Variants in SLC6A17 observed in about 807,000 individuals in gnomAD.
The protein encoded by SLC6A17 is solute carrier family 6 member 17.
Under a neutral mutation model 64.5 loss-of-function variants are expected in SLC6A17, and 21 were observed. That is an observed-to-expected ratio of 0.33 (90% CI 0.23 to 0.47). The LOEUF (loss-of-function observed/expected upper bound fraction) is 0.47. Among genes scored for constraint, SLC6A17 ranks in the 20% least tolerant of loss-of-function variants. The probability of loss-of-function intolerance (pLI) is 1.00; values close to 1 mark genes in which losing one functional copy is unlikely to be tolerated. For missense variants in SLC6A17, 682 were observed against 963.2 expected (o/e 0.71, Z 3.86); for synonymous variants, 372 against 399.5 (o/e 0.93, Z 0.82).
rs1570989318 is a variant in SLC6A17, at chr1:110,174,568, G to A, written c.572-211G>A. Among the ~76,000 whole-genome samples, 4 of 152,292 alleles carry A rather than the reference G, an allele frequency of 2.6e-5. No homozygotes were observed. In the South Asian group the frequency reaches 8.3e-4, roughly 32 times the overall value. ...GGCATGGGTGGGAATCAGCCAGGCT[G>A]GTGTGTCCTGAAGCCTCCCAGACCC... On this transcript the variant is annotated intron_variant, in intron 4 of 11. Coordinates refer to ENST00000331565, the MANE Select transcript of SLC6A17 (RefSeq NM_001010898.4).
At chr1:110,189,333 A>G (rs1429420356) in intron 6 of SLC6A17, among the ~76,000 whole-genome samples, 2 of 152,084 alleles carry the variant, frequency 1.3e-5, no homozygotes, top group Admixed American at 1.3e-4. Context: ...CCACCTGCTC[A>G]GGTATGCAGG....
chr1:110,156,829 A>G (rs570782460), intron 1 of SLC6A17, among the ~76,000 whole-genome samples: 17 of 152,296 alleles, frequency 1.1e-4, no homozygotes, highest in Admixed American at 7.2e-4. Context: ...GTTTCTGATC[A>G]CTATTCCTTC....
In SLC6A17 at chr1:110,175,402, G is replaced by A. The variant is rs558108498; in HGVS notation, c.753+442G>A. Among the ~76,000 whole-genome samples the A allele has an allele frequency of 7.9e-5, 12 of 152,308 alleles. No individual in the cohort carries two copies. In the South Asian group the frequency reaches 2.5e-3, roughly 32 times the overall value. On this transcript the variant is annotated intron_variant, in intron 5 of 11. Transcript: ENST00000331565. The stretch of plus-strand genomic sequence containing the variant: ...TGAGCAGGTAGACGCTATGAGTGAA[G>A]GGGGCCTTAGAGGCCTCAGGGGGCA...
At chr1:110,151,691 C>T (rs1333001796) in intron 1 of SLC6A17, among the ~76,000 whole-genome samples, 1 of 152,208 alleles carries the variant, frequency 6.6e-6, no homozygotes, top group Non-Finnish European at 1.5e-5. Context: ...CCAGACAGCC[C>T]TGTCAGAAAT....
intron 8 of SLC6A17, 107 bp from the exon 9 acceptor site, chr1:110,194,472 G>A: frequency 8.1e-7 from 1 of 1,232,176 alleles, no homozygotes; most frequent in East Asian, 2.5e-5. Context: ...GAACCCCTGT[G>A]AAAGAGGGAA....
intron 6 of SLC6A17, 54 bp downstream of exon 6, chr1:110,176,793 T>C: frequency 6.8e-7 from 1 of 1,480,774 alleles, no homozygotes; most frequent in Admixed American, 1.8e-5. Flanking sequence ...CTACTGGGCC[T>C]GGTCAGCTTC....
At chr1:110,164,616 A>G (rs2101841574) in intron 1 of SLC6A17, among the ~76,000 whole-genome samples, 1 of 152,344 alleles carries the variant, frequency 6.6e-6, no homozygotes, top group African/African-American at 2.4e-5. Context: ...CCCATCCCTC[A>G]GTGCGGGATG....
In SLC6A17 at chr1:110,201,768, G is replaced by A. The variant is rs1011645009; in HGVS notation, c.*3324G>A. ...CAGGCCTGCAGTATTACCAGGCGGAGGGGCTGCTTTTCTGCCCTTCCTCAC... is the reference window on the plus strand; with the variant it reads ...CAGGCCTGCAGTATTACCAGGCGGAAGGGCTGCTTTTCTGCCCTTCCTCAC... On this transcript the variant is annotated 3_prime_UTR_variant, in exon 12 of 12. Coordinates refer to ENST00000331565, the MANE Select transcript of SLC6A17 (RefSeq NM_001010898.4). 6.6e-6 allele frequency: 1 copy of A among 152,280 alleles called. No homozygotes were observed. Among genetic ancestry groups the A allele is most frequent in the Admixed American group, 6.5e-5 (1 of 15,270 alleles). 9.4% of individuals were successfully genotyped at this position (152,280 alleles called of 1,614,324 possible). A position where few individuals can be genotyped will look rare whatever the true frequency, so the allele number is the denominator to read the frequency against.
At chr1:110,167,470 A>G (rs1440442341) in intron 2 of SLC6A17, among the ~76,000 whole-genome samples, 1 of 152,278 alleles carries the variant, frequency 6.6e-6, no homozygotes, top group East Asian at 1.9e-4. Context: ...CAACTTTGGG[A>G]CCTACTACAA....
At chr1:110,174,267 C>T (rs1354119781) in intron 4 of SLC6A17, among the ~76,000 whole-genome samples, 168 bp downstream of exon 4, 3 of 152,186 alleles carry the variant, frequency 2.0e-5, no homozygotes, top group Admixed American at 6.5e-5. Context: ...GTCTCTTTTC[C>T]AGCCTATTTC....
chr1:110,167,494 T>C (rs1419469232), intron 2 of SLC6A17, among the ~76,000 whole-genome samples: 1 of 152,152 alleles, frequency 6.6e-6, no homozygotes, highest in Admixed American at 6.5e-5. Flanking sequence ...GCTTAACCTC[T>C]CTGTGCCTCA....
chr1:110,181,577 A>G (rs989329446), intron 6 of SLC6A17, among the ~76,000 whole-genome samples: 2 of 152,260 alleles, frequency 1.3e-5, no homozygotes, highest in Admixed American at 1.3e-4. Flanking sequence ...AATATAAGAT[A>G]AAGAATTGTC....
At position 110,189,285 on chromosome 1, in the gene SLC6A17, A is replaced by C. The variant is rs575084659; in HGVS notation, c.865-2687A>C. On this transcript the variant is annotated intron_variant, in intron 6 of 11. Transcript: ENST00000331565. ...ACTAATGTCCTGATCCTCCCTGCCC[A>C]ACACCATCAACCTGTTCCTCTCCCA... 3.9e-5 allele frequency among the ~76,000 whole-genome samples: 6 copies of C among 152,292 alleles called. No individual in the cohort carries two copies. In the East Asian group the frequency reaches 5.8e-4, roughly 15 times the overall value.
chr1:110,196,690 T>G (rs1214608427), intron 10 of SLC6A17, among the ~76,000 whole-genome samples: 1 of 152,256 alleles, frequency 6.6e-6, no homozygotes, highest in African/African-American at 2.4e-5. Context: ...CATTTAAAAT[T>G]TGTGATATAG....
chr1:110,158,038 GAT>G (rs1477228322), intron 1 of SLC6A17, among the ~76,000 whole-genome samples: 18 of 152,132 alleles, frequency 1.2e-4, no homozygotes, highest in Non-Finnish European at 2.9e-5. Flanking sequence ...TATACTATCA[GAT>G]ATAGTGTATG....
chr1:110,162,449 G>A (rs924828951), intron 1 of SLC6A17, among the ~76,000 whole-genome samples: 6 of 152,218 alleles, frequency 3.9e-5, no homozygotes, highest in South Asian at 4.1e-4. Context: ...ACTGAGATCC[G>A]GAGAAGTTAG....
intron 6 of SLC6A17, among the ~76,000 whole-genome samples, chr1:110,179,493 G>C (rs1312989145): frequency 6.6e-6 from 1 of 150,688 alleles, no homozygotes; most frequent in East Asian, 2.0e-4. Context: ...AGTAGGGGGT[G>C]CTTCTTTCCT....
At chr1:110,163,259 T>A (rs1429786898) in intron 1 of SLC6A17, among the ~76,000 whole-genome samples, 1 of 152,126 alleles carries the variant, frequency 6.6e-6, no homozygotes, top group Non-Finnish European at 1.5e-5. Context: ...ACACCAGTTC[T>A]GGAGAAGAAA....
Position 110,194,608 on chromosome 1 carries a change from C to T in SLC6A17, c.1329C>T (p.Ile443=), listed in dbSNP as rs751772349. The T allele has an allele frequency of 3.1e-6, 5 of 1,614,186 alleles. No individual in the cohort carries two copies. The highest frequency in any genetic ancestry group is 1.1e-5 in the South Asian group (1 of 91,078). Reference sequence around the variant, plus strand: ...TGCAGGGCACAGGCCTGGCCTTCATCGCCTTCACTGAGGCCATGACGCACT... The same window carrying T: ...TGCAGGGCACAGGCCTGGCCTTCATTGCCTTCACTGAGGCCATGACGCACT... ...KSVQGTGLAF[I]AFTEAMTHFP... The change falls in exon 9 of 12, where the codon ATC becomes ATT. Residue 443 remains isoleucine (I), a synonymous_variant. Transcript: ENST00000331565.
Sources: allele counts gnomAD v4.1 joint callset (sites outside exome capture counted in the v4.1 genomes callset), GRCh38; gene constraint gnomAD v4.1.1; transcripts MANE v1.5; gene names NCBI Gene and HGNC (gene_info 2026-07-23, HGNC 2026-07-21).